The following GUCY1A2 variants were observed in gnomAD, a reference collection of about 807,000 sequenced individuals.
GUCY1A2 encodes the protein guanylate cyclase soluble subunit alpha-2.
GUCY1A2 carries 27 observed loss-of-function variants against 63.5 expected under a neutral mutation model. The ratio of observed to expected loss-of-function variants is 0.43; its 90% CI spans 0.31 to 0.59. The LOEUF is 0.59. Ranked by LOEUF, GUCY1A2 falls within the 20% of genes least tolerant of loss-of-function variation. The pLI, the probability that GUCY1A2 is intolerant of heterozygous loss-of-function variation, is 0.11. For synonymous variants in GUCY1A2, 364 were observed against 343.5 expected, an observed-to-expected ratio of 1.06 and a Z score of -0.66; for missense variants, 768 against 913.3, an observed-to-expected ratio of 0.84 and a Z score of 2.05.
intron 3 of GUCY1A2, among the ~76,000 whole-genome samples, chr11:106,969,169 A>T (rs943325781): frequency 6.6e-6 from 1 of 152,198 alleles, no homozygotes; most frequent in Non-Finnish European, 1.5e-5. Flanking sequence ...CTTTATTGTG[A>T]CACATAAAAC....
chr11:106,893,686 C>A (rs1421581717), intron 4 of GUCY1A2, among the ~76,000 whole-genome samples: 1 of 152,090 alleles, frequency 6.6e-6, no homozygotes, highest in Non-Finnish European at 1.5e-5. Context: ...CAAACCACTG[C>A]CCCTAAAACT....
intron 3 of GUCY1A2, among the ~76,000 whole-genome samples, chr11:106,973,108 A>G (rs1861217014): frequency 6.6e-6 from 1 of 152,098 alleles, no homozygotes; most frequent in Non-Finnish European, 1.5e-5. Context: ...AGTTGTCTCT[A>G]ATTTACACAG....
chr11:106,709,921 T>C (rs1863062701), intron 6 of GUCY1A2, among the ~76,000 whole-genome samples: 1 of 15,522 alleles, frequency 6.4e-5, no homozygotes, highest in South Asian at 1.6e-3. Flanking sequence ...ATATATAACA[T>C]ATAGTTATAT....
At chr11:106,880,453 T>C (rs982538359) in intron 4 of GUCY1A2, among the ~76,000 whole-genome samples, 3 of 152,014 alleles carry the variant, frequency 2.0e-5, no homozygotes, top group African/African-American at 4.8e-5. Context: ...GTAAGTCCCC[T>C]GAATAAACCC....
chr11:106,816,083 A>G (rs7103940), intron 4 of GUCY1A2, among the ~76,000 whole-genome samples: 6 of 151,812 alleles, frequency 4.0e-5, no homozygotes, highest in African/African-American at 1.5e-4. Flanking sequence ...AACAAAATCT[A>G]CAAAAACAAC....
chr11:106,681,448 A>T lies in GUCY1A2; in HGVS notation c.*6101T>A, dbSNP rs188118481. 4.5e-6 allele frequency: 1 copy of T among 223,112 alleles called. No homozygotes were observed. Among genetic ancestry groups the T allele is most frequent in the East Asian group, 6.4e-5 (1 of 15,506 alleles). The allele number at this position is 223,112 out of a possible 1,614,324, so 13.8% of individuals were successfully genotyped here. A position where few individuals can be genotyped will look rare whatever the true frequency, so the allele number is the denominator to read the frequency against. On this transcript the variant is annotated 3_prime_UTR_variant, in exon 8 of 8. Transcript: ENST00000526355. Reference sequence around the variant, plus strand: ...TTCCTTACTATTATATACTACAAAGATCCAAAAATTGGGCAACATTATAAA... The same window carrying T: ...TTCCTTACTATTATATACTACAAAGTTCCAAAAATTGGGCAACATTATAAA...
At chr11:106,846,290 T>C (rs1190782131) in intron 4 of GUCY1A2, among the ~76,000 whole-genome samples, 6 of 151,672 alleles carry the variant, frequency 4.0e-5, no homozygotes, top group African/African-American at 1.4e-4. Flanking sequence ...TCTTTGGAGA[T>C]ACATGCTGAA....
chr11:106,850,662 T>G (rs1415235520), intron 4 of GUCY1A2, among the ~76,000 whole-genome samples: 1 of 151,928 alleles, frequency 6.6e-6, no homozygotes, highest in African/African-American at 2.4e-5. Context: ...GGCTCATTCA[T>G]GTTGTTGCAA....
In GUCY1A2 at chr11:106,808,831, C is replaced by T. The variant is rs755299614; in HGVS notation, c.1692+1162G>A. ...ACAGTTTAACATTATAGTATCTCTC[C>T]GGTTTAGAATCAGACATTTGGCTAC... On this transcript the variant is annotated intron_variant, in intron 5 of 7. Coordinates refer to ENST00000526355, the MANE Select transcript of GUCY1A2 (RefSeq NM_000855.3). Among the ~76,000 whole-genome samples, 8 of 151,974 alleles carry T rather than the reference C, an allele frequency of 5.3e-5. 1 individual carries two copies. The highest frequency in any genetic ancestry group is 2.6e-4 in the Admixed American group (4 of 15,226).
At position 106,986,221 on chromosome 11, in the gene GUCY1A2, T is replaced by C. The variant is rs551251017; in HGVS notation, c.304-90A>G. On this transcript the variant is annotated intron_variant, in intron 1 of 7. Transcript: ENST00000526355. ...ATCGTAGGCAGACAGGTGAAGCTTCTGATTTATCTCTTGAGAGTTTTCCTT... is the reference window on the plus strand; with the variant it reads ...ATCGTAGGCAGACAGGTGAAGCTTCCGATTTATCTCTTGAGAGTTTTCCTT... 2.4e-5 allele frequency: 17 copies of C among 705,910 alleles called. No individual in the cohort carries two copies. The Admixed American group carries it at 2.9e-4, about 12-fold the overall frequency. 43.7% of individuals were successfully genotyped at this position (705,910 alleles called of 1,614,324 possible). A position where few individuals can be genotyped will look rare whatever the true frequency, so the allele number is the denominator to read the frequency against.
intron 7 of GUCY1A2, among the ~76,000 whole-genome samples, chr11:106,706,728 A>G (rs1188629103): frequency 6.6e-6 from 1 of 151,912 alleles, no homozygotes; most frequent in Non-Finnish European, 1.5e-5. Context: ...AACATGGAAA[A>G]TAAGTATCAA....
chr11:106,679,239 G>T lies in GUCY1A2; in HGVS notation c.*8310C>A, dbSNP rs913981155. The stretch of plus-strand genomic sequence containing the variant: ...TACATGTAAGTGAAAAATCTTTGAT[G>T]ATTAAGGTACTACCTAACCACTTTT... On this transcript the variant is annotated 3_prime_UTR_variant, in exon 8 of 8. Transcript: ENST00000526355. The T allele has an allele frequency of 8.5e-5, 16 of 188,714 alleles. No individual in the cohort carries two copies. Among genetic ancestry groups the T allele is most frequent in the Admixed American group, 5.6e-4 (9 of 16,138 alleles). 11.7% of individuals were successfully genotyped at this position (188,714 alleles called of 1,614,324 possible).
intron 7 of GUCY1A2, among the ~76,000 whole-genome samples, chr11:106,689,287 A>C (rs1051945855): frequency 2.6e-5 from 4 of 152,196 alleles, no homozygotes; most frequent in Non-Finnish European, 5.9e-5. Flanking sequence ...TAAAAACTAG[A>C]GCTATAGTAT....
At chr11:106,929,423 T>C (rs139715927) in intron 4 of GUCY1A2, among the ~76,000 whole-genome samples, 1 of 152,258 alleles carries the variant, frequency 6.6e-6, no homozygotes, top group East Asian at 1.9e-4. Flanking sequence ...GAAGAATTGC[T>C]AAATAGTCAA....
At chr11:106,761,772 A>G (rs1001408078) in intron 6 of GUCY1A2, among the ~76,000 whole-genome samples, 1 of 152,146 alleles carries the variant, frequency 6.6e-6, no homozygotes, top group Admixed American at 6.6e-5. Flanking sequence ...GATAAACTGT[A>G]TATTTTTAAA....
At chr11:106,983,096 TA>T (rs1346677737) in intron 2 of GUCY1A2, among the ~76,000 whole-genome samples, 3 of 152,280 alleles carry the variant, frequency 2.0e-5, no homozygotes, top group Non-Finnish European at 2.9e-5. Context: ...TGGTTTCACA[TA>T]AGAAGGTGGC....
intron 3 of GUCY1A2, among the ~76,000 whole-genome samples, chr11:106,964,050 C>G (rs1288635682): frequency 6.6e-6 from 1 of 151,968 alleles, no homozygotes; most frequent in East Asian, 1.9e-4. Flanking sequence ...CACACATACA[C>G]ACGTATACAC....
At position 106,939,648 on chromosome 11, in the gene GUCY1A2, G is replaced by C. The variant is rs1860725241; in HGVS notation, c.1018C>G (p.Leu340Val). 6.2e-7 allele frequency: 1 copy of C among 1,613,804 alleles called. No individual in the cohort carries two copies. Among genetic ancestry groups the C allele is most frequent in the Admixed American group, 1.7e-5 (1 of 59,982 alleles). Residue 340 changes from leucine to valine, a missense_variant, in exon 4 of 8, where the codon CTT becomes GTT. This residue lies in a region of GUCY1A2 where 496 missense variants were observed against 486.9 expected (regional missense o/e 1.02). Coordinates refer to ENST00000526355, the MANE Select transcript of GUCY1A2 (RefSeq NM_000855.3). ...HLMFDPSMSV[L>V]QLGEGLRKQL... ...TTCCTTAGACCTTCCCCCAACTGAA[G>C]GACTGACATGCTGGGATCAAACATC... is the stretch of plus-strand genomic sequence containing the variant.
intron 4 of GUCY1A2, among the ~76,000 whole-genome samples, chr11:106,910,277 C>G (rs1167498734): frequency 2.0e-5 from 3 of 151,800 alleles, no homozygotes; most frequent in Non-Finnish European, 2.9e-5. Flanking sequence ...AGTATGATCC[C>G]TATTATATTT....
Sources: gnomAD v4.1 joint callset for allele counts (sites outside exome capture counted in the v4.1 genomes callset) on GRCh38, gnomAD v4.1.1 for gene constraint, gnomAD v4.1.1 regional missense constraint, MANE v1.5 for transcripts, NCBI Gene and HGNC (gene_info 2026-07-23, HGNC 2026-07-21) for gene names.